PWP1: variants seen among roughly 807,000 people sequenced by gnomAD.
PWP1 encodes the protein PWP1 homolog, endonuclein, also known as periodic tryptophan protein 1 homolog.
In PWP1, 47 loss-of-function variants were observed where a neutral mutation model predicts 69.9. The observed-to-expected ratio is 0.67, with a 90% CI of 0.53 to 0.86. The LOEUF (loss-of-function observed/expected upper bound fraction) is 0.86, where lower values mean the gene tolerates loss of function less well. Ranked by LOEUF, PWP1 falls within the 40% of genes least tolerant of loss-of-function variation. PWP1 has a pLI of 0.00. For missense variants in PWP1, 551 were observed against 608.8 expected (o/e 0.91, Z 1.00); for synonymous variants, 222 against 208.2 (o/e 1.07, Z -0.57).
chr12:107,703,182 G>T, intron 9 of PWP1, 151 bp downstream of exon 9: 1 of 638,644 alleles, frequency 1.6e-6, no homozygotes, highest in Non-Finnish European at 2.7e-6. Flanking sequence ...TTTTCACAAA[G>T]CCCTGTGTGG....
At chr12:107,688,329 C>A in intron 1 of PWP1, 119 bp from the exon 2 acceptor site, 1 of 756,364 alleles carries the variant, frequency 1.3e-6, no homozygotes, top group Non-Finnish European at 2.1e-6. Flanking sequence ...ATGTTTGATT[C>A]TTATCTTGAT....
intron 14 of PWP1, 61 bp downstream of exon 14, chr12:107,710,571 A>AAAAAC: frequency 6.8e-7 from 1 of 1,459,876 alleles, no homozygotes; most frequent in South Asian, 1.2e-5. Context: ...AAAAAAAAAA[A>AAAAAC]AAGACAGGGT....
chr12:107,692,294 A>T (rs1233391009), intron 3 of PWP1, among the ~76,000 whole-genome samples: 1 of 152,250 alleles, frequency 6.6e-6, no homozygotes, highest in Non-Finnish European at 1.5e-5. Flanking sequence ...TGGAAAAAGC[A>T]TACTGCATTT....
intron 13 of PWP1, among the ~76,000 whole-genome samples, chr12:107,710,196 C>A (rs1157868858): frequency 6.6e-6 from 1 of 152,128 alleles, no homozygotes; most frequent in Admixed American, 6.5e-5. Flanking sequence ...GTGGAAGAAC[C>A]AGCATGCTGC....
chr12:107,700,355 AC>A (rs1889682566), intron 8 of PWP1, among the ~76,000 whole-genome samples: 1 of 150,032 alleles, frequency 6.7e-6, no homozygotes, highest in Admixed American at 6.7e-5. Context: ...CATTTCCCCC[AC>A]CCCCAGCCCT....
chr12:107,708,730 A>C (rs1889877640), intron 11 of PWP1, among the ~76,000 whole-genome samples, 196 bp from the exon 12 acceptor site: 1 of 152,208 alleles, frequency 6.6e-6, no homozygotes, highest in Non-Finnish European at 1.5e-5. Context: ...ACTCATATCC[A>C]GTAGACATGT....
intron 11 of PWP1, among the ~76,000 whole-genome samples, chr12:107,707,990 G>A (rs1180667290): frequency 6.6e-6 from 1 of 152,132 alleles, no homozygotes; most frequent in East Asian, 1.9e-4. Flanking sequence ...TAAGATTCAT[G>A]AAGTAATGAT....
intron 5 of PWP1, among the ~76,000 whole-genome samples, chr12:107,695,973 A>G (rs981116600): frequency 2.0e-5 from 3 of 151,996 alleles, no homozygotes; most frequent in African/African-American, 7.3e-5. Flanking sequence ...GGGGTATGCC[A>G]CAAGATGGCA....
chr12:107,692,646 T>A, intron 3 of PWP1, 168 bp from the exon 4 acceptor site: 1 of 603,956 alleles, frequency 1.7e-6, no homozygotes, highest in South Asian at 2.3e-5. Context: ...CAAAAATGGC[T>A]TTTAAATTCC....
chr12:107,694,257 A>G lies in PWP1; in HGVS notation c.502+1161A>G, dbSNP rs554261822. Among the ~76,000 whole-genome samples the G allele has an allele frequency of 1.2e-3, 186 of 152,290 alleles. 5 individuals are homozygous for G. The South Asian group carries it at 0.035, about 29-fold the overall frequency. On this transcript the variant is annotated intron_variant, in intron 5 of 14. Coordinates refer to ENST00000412830, the MANE Select transcript of PWP1 (RefSeq NM_007062.3). ...TGCGCTCATATCCTCAGACAAGTCC[A>G]TCCTTGCCCGATACTCTCCTCCCCC...
intron 3 of PWP1, among the ~76,000 whole-genome samples, chr12:107,691,520 A>T (rs751041160): frequency 6.6e-6 from 1 of 152,190 alleles, no homozygotes; most frequent in Non-Finnish European, 1.5e-5. Flanking sequence ...GCAGAAACTT[A>T]AGATAAATTA....
chr12:107,704,038 G>A lies in PWP1; in HGVS notation c.965+292G>A, dbSNP rs140044260. 4.2e-3 allele frequency among the ~76,000 whole-genome samples: 641 copies of A among 152,320 alleles called. 2 individuals carry two copies. The highest frequency in any genetic ancestry group is 0.031 in the Middle Eastern group (9 of 294). On this transcript the variant is annotated intron_variant, in intron 10 of 14. Coordinates refer to ENST00000412830, the MANE Select transcript of PWP1 (RefSeq NM_007062.3). ...ACATGACAGAGGGCATGGATATAGG[G>A]AGACATGAAGAACTGGGGCCACTGT...
intron 14 of PWP1, among the ~76,000 whole-genome samples, chr12:107,711,784 G>A (rs530033908): frequency 2.0e-5 from 3 of 152,230 alleles, no homozygotes; most frequent in African/African-American, 4.8e-5. Flanking sequence ...TGCCGGTTAT[G>A]ATCAGAGAAA....
At chr12:107,710,637 C>G (rs1889933521) in intron 14 of PWP1, 127 bp downstream of exon 14, 2 of 1,393,428 alleles carry the variant, frequency 1.4e-6, no homozygotes, top group East Asian at 5.0e-5. Flanking sequence ...ATCCTTGGTC[C>G]TCAGCCTTCT....
At chr12:107,705,506 G>A (rs900152168) in intron 11 of PWP1, among the ~76,000 whole-genome samples, 2 of 147,872 alleles carry the variant, frequency 1.4e-5, no homozygotes, top group Admixed American at 6.8e-5. Flanking sequence ...ATCTCCTAAT[G>A]CTATCCCTCC....
Position 107,704,639 on chromosome 12 carries a change from A to G in PWP1, c.969A>G (p.Ser323=). The G allele has an allele frequency of 6.2e-7, 1 of 1,613,604 alleles. No homozygotes were observed. The highest frequency in any genetic ancestry group is 8.5e-7 in the Non-Finnish European group (1 of 1,179,590). Residue 323 remains serine (S), a synonymous_variant, in exon 11 of 15, where the codon TCA becomes TCG. Coordinates refer to ENST00000412830, the MANE Select transcript of PWP1 (RefSeq NM_007062.3). Reference sequence around the variant, plus strand: ...AACTTTGCCTGAATGTGTCTAGGTCAGTGGCTTTGTATGACTGCCGAAGTC... The same window carrying G: ...AACTTTGCCTGAATGTGTCTAGGTCGGTGGCTTTGTATGACTGCCGAAGTC... The part of the protein sequence containing the change: ...QTLISGSYDK[S]VALYDCRSPD...
At chr12:107,710,380 C>A in intron 13 of PWP1, 25 bp from the exon 14 acceptor site, 1 of 1,610,480 alleles carries the variant, frequency 6.2e-7, no homozygotes, top group South Asian at 1.1e-5. Flanking sequence ...AGATTGAAAT[C>A]ACCATCTTCC....
intron 3 of PWP1, among the ~76,000 whole-genome samples, chr12:107,691,775 C>G (rs779364604): frequency 1.3e-5 from 2 of 152,176 alleles, no homozygotes; most frequent in Non-Finnish European, 2.9e-5. Flanking sequence ...ATTTTTCCAT[C>G]TAGATGTTCA....
At chr12:107,707,319 A>G (rs1889843114) in intron 11 of PWP1, among the ~76,000 whole-genome samples, 1 of 152,118 alleles carries the variant, frequency 6.6e-6, no homozygotes, top group Non-Finnish European at 1.5e-5. Flanking sequence ...GGTTTTCTAG[A>G]TATACAATCA....
Sources: gnomAD v4.1 joint callset for allele counts (sites outside exome capture counted in the v4.1 genomes callset) on GRCh38, gnomAD v4.1.1 for gene constraint, MANE v1.5 for transcripts, NCBI Gene and HGNC (gene_info 2026-07-23, HGNC 2026-07-21) for gene names.